The following F13A1 variants were observed in gnomAD, a reference collection of about 807,000 sequenced individuals.
The protein encoded by F13A1 is FSF, A subunit.
In F13A1, 47 loss-of-function variants were observed where a neutral mutation model predicts 80.1. The ratio of observed to expected loss-of-function variants is 0.59; its 90% confidence interval spans 0.46 to 0.75. The LOEUF is 0.75. Among genes scored for constraint, F13A1 ranks in the 30% least tolerant of loss-of-function variants. The pLI is 0.00. For synonymous variants in F13A1, 349 were observed against 344.9 expected, an observed-to-expected ratio of 1.01 and a Z score of -0.13; for missense variants, 817 against 930.4, an observed-to-expected ratio of 0.88 and a Z score of 1.59.
intron 4 of F13A1, among the ~76,000 whole-genome samples, chr6:6,254,680 A>G (rs917642904): frequency 5.3e-5 from 8 of 152,166 alleles, no homozygotes; most frequent in African/African-American, 1.9e-4. Context: ...GGTGAAAAGG[A>G]AAGTTTTCTT....
chr6:6,205,219 T>C (rs1055774576), intron 8 of F13A1, among the ~76,000 whole-genome samples: 1 of 152,230 alleles, frequency 6.6e-6, no homozygotes, highest in African/African-American at 2.4e-5. Flanking sequence ...CAGTCTGATA[T>C]AGCACAAGAG....
intron 8 of F13A1, chr6:6,206,692 C>CT (rs955565371): frequency 2.0e-5 from 8 of 396,592 alleles, no homozygotes; most frequent in African/African-American, 1.7e-4. Flanking sequence ...ATATTTTTTA[C>CT]ATTCCTTCAT....
rs1320013977 is a variant in F13A1 at position 6,295,206 on chromosome 6, C to T, written c.319+10145G>A. ...TGTGAATAATGCCGCAATAAACATACGTGTGCATGTGTCTTTATAGCAGCA... is the reference window on the plus strand; with the variant it reads ...TGTGAATAATGCCGCAATAAACATATGTGTGCATGTGTCTTTATAGCAGCA... On this transcript the variant is annotated intron_variant, in intron 3 of 14. Transcript: ENST00000264870. Among the ~76,000 whole-genome samples, 137 of 146,232 alleles carry T rather than the reference C, an allele frequency of 9.4e-4. 1 individual carries two copies. The highest frequency in any genetic ancestry group is 2.6e-3 in the African/African-American group (98 of 37,926).
At chr6:6,286,766 G>C (rs1160515298) in intron 3 of F13A1, among the ~76,000 whole-genome samples, 1 of 152,184 alleles carries the variant, frequency 6.6e-6, no homozygotes, top group South Asian at 2.1e-4. Flanking sequence ...TCTTAAGAAA[G>C]AAGAGAAAAG....
chr6:6,271,051 A>G (rs1396929684), intron 3 of F13A1, among the ~76,000 whole-genome samples: 1 of 147,290 alleles, frequency 6.8e-6, no homozygotes, highest in East Asian at 1.9e-4. Context: ...GCCCGGGAAC[A>G]GGTTATGGAA....
intron 12 of F13A1, among the ~76,000 whole-genome samples, chr6:6,169,676 G>T (rs1030129784): frequency 3.9e-5 from 6 of 152,252 alleles, no homozygotes; most frequent in South Asian, 4.1e-4. Flanking sequence ...TGGGGTGGAG[G>T]GTGGGTTACT....
intron 3 of F13A1, among the ~76,000 whole-genome samples, chr6:6,274,863 C>T (rs71559114): frequency 0.06 from 9,061 of 152,088 alleles, 332 homozygotes; most frequent in Non-Finnish European, 0.087. Flanking sequence ...GGGGGAGTAA[C>T]CAACTGAGGG....
intron 10 of F13A1, among the ~76,000 whole-genome samples, chr6:6,191,438 G>T (rs953301332): frequency 6.6e-6 from 1 of 152,192 alleles, no homozygotes; most frequent in African/African-American, 2.4e-5. Context: ...ATTGGTGCAT[G>T]AAATTGGATA....
chr6:6,310,357 T>C (rs1266307257), intron 2 of F13A1, among the ~76,000 whole-genome samples: 1 of 152,198 alleles, frequency 6.6e-6, no homozygotes, highest in Non-Finnish European at 1.5e-5. Flanking sequence ...TCAGAATATG[T>C]TTTTGGAAAT....
At chr6:6,198,676 G>C (rs1459209261) in intron 8 of F13A1, among the ~76,000 whole-genome samples, 4 of 152,196 alleles carry the variant, frequency 2.6e-5, no homozygotes, top group Admixed American at 2.6e-4. Context: ...TAATCTTCTA[G>C]GAGAAATGAC....
intron 4 of F13A1, among the ~76,000 whole-genome samples, chr6:6,260,733 T>C (rs1757768134): frequency 6.6e-6 from 1 of 152,166 alleles, no homozygotes; most frequent in Admixed American, 6.5e-5. Flanking sequence ...CCCAAAAGCA[T>C]GGTTGTTGGA....
At chr6:6,272,690 C>G (rs756555467) in intron 3 of F13A1, among the ~76,000 whole-genome samples, 13 of 152,132 alleles carry the variant, frequency 8.5e-5, no homozygotes, top group Non-Finnish European at 1.6e-4. Flanking sequence ...CAGTCAAAAC[C>G]CATGGTCCTA....
intron 2 of F13A1, among the ~76,000 whole-genome samples, chr6:6,314,270 G>A (rs1234693284): frequency 2.0e-5 from 3 of 152,168 alleles, no homozygotes; most frequent in East Asian, 1.9e-4. Context: ...ATGAGCCACC[G>A]TGCCCAGCCC....
chr6:6,288,016 A>G (rs1298742193), intron 3 of F13A1, among the ~76,000 whole-genome samples: 1 of 151,882 alleles, frequency 6.6e-6, no homozygotes, highest in Non-Finnish European at 1.5e-5. Context: ...TTTAAAAAAT[A>G]GACAATCACT....
chr6:6,236,599 G>C (rs548163111), intron 6 of F13A1, among the ~76,000 whole-genome samples: 1 of 152,120 alleles, frequency 6.6e-6, no homozygotes, highest in Non-Finnish European at 1.5e-5. Context: ...AAAAAAATAT[G>C]CAAGGGTACT....
chr6:6,264,845 T>C (rs1757822206), intron 4 of F13A1, among the ~76,000 whole-genome samples: 2 of 152,342 alleles, frequency 1.3e-5, no homozygotes, highest in Admixed American at 1.3e-4. Flanking sequence ...ACATTTCCTG[T>C]TACCATTTAC....
At chr6:6,222,914 C>G (rs3024412) in intron 7 of F13A1, among the ~76,000 whole-genome samples, 1 of 152,118 alleles carries the variant, frequency 6.6e-6, no homozygotes, top group Non-Finnish European at 1.5e-5. Context: ...TCAAGGGTCC[C>G]CCTCCTTAAA....
intron 3 of F13A1, among the ~76,000 whole-genome samples, chr6:6,300,820 G>GTTT (rs534147712): frequency 5.2e-4 from 77 of 146,864 alleles, no homozygotes; most frequent in Non-Finnish European, 7.9e-4. Context: ...ATTCTCGTCT[G>GTTT]TTTTTTTTTT....
chr6:6,298,032 T>C, intron 3 of F13A1, among the ~76,000 whole-genome samples: 1 of 151,258 alleles, frequency 6.6e-6, no homozygotes, highest in Non-Finnish European at 1.5e-5. Flanking sequence ...GGGCAAGTTG[T>C]TCAGTTTCCA....
Sources: allele counts gnomAD v4.1 joint callset (sites outside exome capture counted in the v4.1 genomes callset), GRCh38; gene constraint gnomAD v4.1.1; transcripts MANE v1.5; gene names NCBI Gene and HGNC (gene_info 2026-07-23, HGNC 2026-07-21).